Variants in SEMA4D observed in about 807,000 individuals in gnomAD.
SEMA4D encodes semaphorin 4D, also known as semaphorin-4D.
In SEMA4D, 22 loss-of-function variants were observed where a neutral mutation model predicts 74.8. That is an observed-to-expected ratio of 0.29 (90% CI 0.21 to 0.42). SEMA4D has a LOEUF of 0.42. Among genes scored for constraint, SEMA4D ranks in the 10% least tolerant of loss-of-function variants. SEMA4D has a pLI of 1.00. For synonymous variants in SEMA4D, 445 were observed against 463.7 expected (o/e 0.96, Z 0.52); for missense variants, 937 against 1,118.4 (o/e 0.84, Z 2.31).
At chr9:89,430,750 G>C (rs1849102654) in intron 2 of SEMA4D, among the ~76,000 whole-genome samples, 2 of 152,260 alleles carry the variant, frequency 1.3e-5, no homozygotes, top group Admixed American at 1.3e-4. Flanking sequence ...GCCAAGGCGG[G>C]CAGATCACCT....
chr9:89,418,006 T>G, intron 2 of SEMA4D: 1 of 833,956 alleles, frequency 1.2e-6, no homozygotes, highest in Non-Finnish European at 1.4e-6. Context: ...CTCTACACAT[T>G]ATCAACTCTG....
chr9:89,426,382 C>T (rs1176148878), intron 2 of SEMA4D, among the ~76,000 whole-genome samples: 1 of 152,236 alleles, frequency 6.6e-6, no homozygotes, highest in Non-Finnish European at 1.5e-5. Context: ...ACCATGACCA[C>T]AGCTCGTAAC....
chr9:89,480,620 T>C (rs1448821130), intron 1 of SEMA4D, among the ~76,000 whole-genome samples: 1 of 152,230 alleles, frequency 6.6e-6, no homozygotes, highest in Non-Finnish European at 1.5e-5. Context: ...GGGCCAGCAC[T>C]GCTGGGGGAC....
At chr9:89,444,972 C>A (rs777224254) in intron 2 of SEMA4D, among the ~76,000 whole-genome samples, 1 of 152,128 alleles carries the variant, frequency 6.6e-6, no homozygotes, top group Non-Finnish European at 1.5e-5. Context: ...TCACAACACA[C>A]AACAGGCGAT....
intron 2 of SEMA4D, among the ~76,000 whole-genome samples, chr9:89,423,705 TC>T (rs1310884832): frequency 6.6e-6 from 1 of 151,230 alleles, no homozygotes; most frequent in Non-Finnish European, 1.5e-5. Flanking sequence ...CCTTAGCACC[TC>T]CCCTCCCTCT....
In SEMA4D at chr9:89,405,818, C is replaced by T. The variant is rs536148333; in HGVS notation, c.-243-119G>A. 1.9e-4 allele frequency: 247 copies of T among 1,292,818 alleles called. No individual in the cohort carries two copies. The African/African-American group carries it at 3.2e-3, about 17-fold the overall frequency. 80.1% of individuals were successfully genotyped at this position (1,292,818 alleles called of 1,614,324 possible). A position where few individuals can be genotyped will look rare whatever the true frequency, so the allele number is the denominator to read the frequency against. On this transcript the variant is annotated intron_variant, in intron 2 of 15. Coordinates refer to ENST00000422704, the MANE Select transcript of SEMA4D (RefSeq NM_001371194.2). ...ACCCGGGTCCATCTGCTGAGGAATA[C>T]GGAAGGCAGCGGGGGACAAAGAGAG... is the stretch of plus-strand genomic sequence containing the variant.
chr9:89,375,431 T>A (rs1835656929), downstream of SEMA4D, among the ~76,000 whole-genome samples: 1 of 152,110 alleles, frequency 6.6e-6, no homozygotes, highest in Non-Finnish European at 1.5e-5. Flanking sequence ...ACCGGCAGCT[T>A]CTCCTGTCCA....
intron 1 of SEMA4D, among the ~76,000 whole-genome samples, chr9:89,471,892 G>GGGTGCACACTGGCTCA (rs1860416887): frequency 7.5e-6 from 1 of 133,780 alleles, no homozygotes; most frequent in Non-Finnish European, 1.6e-5. Context: ...AAGCCAGACA[G>GGGTGCACACTGGCTCA]GGTGCACACT....
chr9:89,421,937 A>T (rs71512203), intron 2 of SEMA4D, among the ~76,000 whole-genome samples: 23,518 of 152,262 alleles, frequency 0.15, 2,385 homozygotes, highest in Non-Finnish European at 0.22. Context: ...TTCATTTTTC[A>T]TGATTTTGAT....
At chr9:89,416,177 G>T (rs1564696565) in intron 2 of SEMA4D, among the ~76,000 whole-genome samples, 1 of 152,166 alleles carries the variant, frequency 6.6e-6, no homozygotes, top group Non-Finnish European at 1.5e-5. Flanking sequence ...TGGGGTAAAG[G>T]ACTTCTGGGT....
At chr9:89,454,375 T>C (rs1855422461) in intron 2 of SEMA4D, among the ~76,000 whole-genome samples, 1 of 152,178 alleles carries the variant, frequency 6.6e-6, no homozygotes, top group African/African-American at 2.4e-5. Context: ...GGTGTGGACG[T>C]GGCTGAGGCT....
chr9:89,469,962 G>A (rs1484435368), intron 1 of SEMA4D, among the ~76,000 whole-genome samples: 1 of 152,098 alleles, frequency 6.6e-6, no homozygotes, highest in East Asian at 1.9e-4. Flanking sequence ...GAAATAAAAT[G>A]GACTATTCAC....
chr9:89,383,161 T>C lies in SEMA4D; in HGVS notation c.1447-1815A>G, dbSNP rs541779560. Among the ~76,000 whole-genome samples the C allele has an allele frequency of 6.6e-5, 10 of 152,268 alleles. No homozygotes were observed. In the South Asian group the frequency reaches 1.9e-3, roughly 28 times the overall value. On this transcript the variant is annotated intron_variant, in intron 13 of 15. Transcript: ENST00000422704. ...ACCCACTGGTCGATGTGGATGTCAG[T>C]GGGTGGGAGAACAGGGCATTTCTGT...
At chr9:89,497,651 G>A (rs1826139158) in intron 1 of SEMA4D, among the ~76,000 whole-genome samples, 1 of 151,744 alleles carries the variant, frequency 6.6e-6, no homozygotes, top group Admixed American at 6.6e-5. Context: ...AGGCCGGGGA[G>A]GGATAGCAGA....
intron 1 of SEMA4D, among the ~76,000 whole-genome samples, chr9:89,486,340 A>C (rs1473848263): frequency 6.6e-6 from 1 of 152,202 alleles, no homozygotes; most frequent in Admixed American, 6.5e-5. Flanking sequence ...AACTGACTAC[A>C]AAGGGGCACA....
rs576636542 is a variant in SEMA4D at position 89,461,828 on chromosome 9, G to T, written c.-309-5875C>A. ...AGTGATTCTCCTGCCTCAGCCTCCT[G>T]AGTAGCTGGGATTACAGGCGTGCGC... On this transcript the variant is annotated intron_variant, in intron 1 of 15. Coordinates refer to ENST00000422704, the MANE Select transcript of SEMA4D (RefSeq NM_001371194.2). 3.0e-3 allele frequency among the ~76,000 whole-genome samples: 455 copies of T among 150,226 alleles called. 1 individual carries two copies. The highest frequency in any genetic ancestry group is 0.01 in the African/African-American group (430 of 41,000).
Position 89,473,866 on chromosome 9 carries a change from AAAAC to A in SEMA4D, c.-309-17917_-309-17914del, listed in dbSNP as rs903012998. On this transcript the variant is annotated intron_variant, in intron 1 of 15. Coordinates refer to ENST00000422704, the MANE Select transcript of SEMA4D (RefSeq NM_001371194.2). ...TCCATCTCAAAAAACAAAACAAAAC[AAAAC>A]AAACAAAAAAACAAAAAGAAGAAAG... 3.9e-5 allele frequency among the ~76,000 whole-genome samples: 6 copies of A among 152,278 alleles called. No individual in the cohort carries two copies. The East Asian group carries it at 7.7e-4, about 20-fold the overall frequency.
In SEMA4D at chr9:89,381,445, T is replaced by C; in HGVS notation, c.1447-99A>G. ...CAGTGTGTGGGAAGCAGCCAGAGTG[T>C]ACCTTCAGGGGACATTGCAGTAAGG... On this transcript the variant is annotated intron_variant, in intron 13 of 15. Coordinates refer to ENST00000422704, the MANE Select transcript of SEMA4D (RefSeq NM_001371194.2). The surrounding 1 kb of genome is among the most constrained non-coding windows in gnomAD (Gnocchi z 4.6). 4.2e-6 allele frequency: 5 copies of C among 1,191,688 alleles called. No individual in the cohort carries two copies. The highest frequency in any genetic ancestry group is 5.8e-6 in the Non-Finnish European group (5 of 869,082). 73.8% of individuals were successfully genotyped at this position (1,191,688 alleles called of 1,614,324 possible).
chr9:89,400,265 T>G lies in SEMA4D; in HGVS notation c.253-927A>C, dbSNP rs1841908010. Among the ~76,000 whole-genome samples the G allele has an allele frequency of 3.3e-5, 5 of 152,340 alleles. No homozygotes were observed. In the South Asian group the frequency reaches 1.0e-3, roughly 32 times the overall value. ...TCCAGGGGGTGGGGGCCTTAGCCCC[T>G]TGCCCTCCAAAGCCCCCACAGAATA... On this transcript the variant is annotated intron_variant, in intron 4 of 15. Coordinates refer to ENST00000422704, the MANE Select transcript of SEMA4D (RefSeq NM_001371194.2).
Sources: allele counts gnomAD v4.1 joint callset (sites outside exome capture counted in the v4.1 genomes callset), GRCh38; gene constraint gnomAD v4.1.1; non-coding constraint Gnocchi (gnomAD v3.1); transcripts MANE v1.5; gene names NCBI Gene and HGNC (gene_info 2026-07-23, HGNC 2026-07-21).